GPC5: variants seen among roughly 807,000 people sequenced by gnomAD.
GPC5 encodes glypican 5.
A neutral mutation model predicts 53.9 loss-of-function variants in GPC5; 47 were observed. The ratio of observed to expected loss-of-function variants is 0.87; its 90% CI spans 0.69 to 1.11. The LOEUF (loss-of-function observed/expected upper bound fraction) is 1.11. GPC5 is among the 50% of genes most tolerant of loss of function. The pLI, the probability that GPC5 is intolerant of heterozygous loss-of-function variation, is 0.00. For synonymous variants in GPC5, 286 were observed against 263.3 expected (o/e 1.09, Z -0.84); for missense variants, 748 against 713.1 (o/e 1.05, Z -0.56).
At chr13:91,831,931 T>C (rs750461714) in intron 5 of GPC5, among the ~76,000 whole-genome samples, 3 of 151,988 alleles carry the variant, frequency 2.0e-5, no homozygotes, top group Non-Finnish European at 4.4e-5. Context: ...ATTATGCATA[T>C]TCTATCGATT....
At chr13:92,442,787 A>ACATGATCCTGAGAATTT (rs2139387835) in intron 7 of GPC5, among the ~76,000 whole-genome samples, 1 of 152,332 alleles carries the variant, frequency 6.6e-6, no homozygotes, top group Admixed American at 6.5e-5. Context: ...TATCAGGTCT[A>ACATGATCCTGAGAATTT]CATGATCCTG....
intron 7 of GPC5, among the ~76,000 whole-genome samples, chr13:92,202,364 A>C (rs2042301553): frequency 6.6e-6 from 1 of 152,218 alleles, no homozygotes; most frequent in Non-Finnish European, 1.5e-5. Flanking sequence ...TAGTGTTTAT[A>C]CATTCAGACA....
At chr13:92,527,153 A>G (rs1335237796) in intron 7 of GPC5, among the ~76,000 whole-genome samples, 2 of 125,792 alleles carry the variant, frequency 1.6e-5, no homozygotes, top group African/African-American at 5.9e-5. Flanking sequence ...AGAAAGAAAG[A>G]AAGAAAGAAA....
Position 92,727,947 on chromosome 13 carries a change from AT to A in GPC5, c.1562-138334del. ...ATTCACACCTCACATAAAAATGTGT[AT>A]GCTTTTGTTCATGCTTTATAAAAAA... On this transcript the variant is annotated intron_variant, in intron 7 of 7. Transcript: ENST00000377067. Among the ~76,000 whole-genome samples the A allele has an allele frequency of 2.6e-5, 4 of 151,528 alleles. No individual in the cohort carries two copies. The Admixed American group carries it at 2.6e-4, about 10-fold the overall frequency.
intron 7 of GPC5, among the ~76,000 whole-genome samples, chr13:92,494,649 A>G (rs1186612838): frequency 6.6e-6 from 1 of 152,172 alleles, no homozygotes; most frequent in Non-Finnish European, 1.5e-5. Context: ...CTAAAAATAT[A>G]TATTGCATTA....
intron 7 of GPC5, among the ~76,000 whole-genome samples, chr13:92,353,483 G>A (rs1688567991): frequency 6.6e-6 from 1 of 152,068 alleles, no homozygotes; most frequent in South Asian, 2.1e-4. Context: ...AGTAAGGAAA[G>A]GACAAGCATG....
chr13:91,926,131 G>A (rs2139024324), intron 6 of GPC5, among the ~76,000 whole-genome samples: 1 of 152,120 alleles, frequency 6.6e-6, no homozygotes, highest in South Asian at 2.1e-4. Context: ...GGGAGGCGAG[G>A]CAGGCGGATC....
intron 7 of GPC5, among the ~76,000 whole-genome samples, chr13:92,451,913 GC>G: frequency 6.6e-6 from 1 of 152,272 alleles, no homozygotes; most frequent in South Asian, 2.1e-4. Context: ...AAGTATCTCT[GC>G]GATGTGGTGA....
intron 7 of GPC5, among the ~76,000 whole-genome samples, chr13:92,360,462 T>C (rs894589282): frequency 1.3e-5 from 2 of 151,640 alleles, no homozygotes; most frequent in Non-Finnish European, 2.9e-5. Context: ...AATTTACATA[T>C]TAAGCAAACA....
chr13:92,324,634 C>T (rs1056893624), intron 7 of GPC5, among the ~76,000 whole-genome samples: 1 of 135,490 alleles, frequency 7.4e-6, no homozygotes. Flanking sequence ...TACTACATAT[C>T]ATTATGTAGT....
chr13:92,752,833 G>C (rs964858467), intron 7 of GPC5, among the ~76,000 whole-genome samples: 1 of 152,174 alleles, frequency 6.6e-6, no homozygotes, highest in African/African-American at 2.4e-5. Context: ...TGGCTCGGAG[G>C]GACCTACGCC....
chr13:91,882,366 T>G (rs536335218), intron 5 of GPC5, among the ~76,000 whole-genome samples: 5 of 152,078 alleles, frequency 3.3e-5, no homozygotes, highest in Non-Finnish European at 7.4e-5. Flanking sequence ...TATACTTTAA[T>G]AAGCCATAAC....
rs535100179 is a variant in GPC5 at position 92,288,112 on chromosome 13, CCTAT to C, written c.1561+143126_1561+143129del. ...TCTCTTCATAATTTCTATTTAAATC[CCTAT>C]CTGTTTGTTGATATTTTCTCTTTAA... On this transcript the variant is annotated intron_variant, in intron 7 of 7. Transcript: ENST00000377067. 1.1e-4 allele frequency among the ~76,000 whole-genome samples: 17 copies of C among 151,662 alleles called. No homozygotes were observed. The East Asian group carries it at 1.6e-3, about 14-fold the overall frequency.
Position 92,592,906 on chromosome 13 carries a change from G to T in GPC5, c.1562-273376G>T, listed in dbSNP as rs181150298. 6.7e-4 allele frequency among the ~76,000 whole-genome samples: 102 copies of T among 151,114 alleles called. 1 individual carries two copies. The highest frequency in any genetic ancestry group is 2.4e-3 in the African/African-American group (98 of 41,250). On this transcript the variant is annotated intron_variant, in intron 7 of 7. Transcript: ENST00000377067. ...TCGGTGGCCCTCATGCGTGCCCCTA[G>T]CTTTCTGTATTTCAGACTTCCCCCA...
intron 7 of GPC5, among the ~76,000 whole-genome samples, chr13:92,544,602 G>A (rs1017458895): frequency 5.9e-5 from 9 of 152,208 alleles, no homozygotes; most frequent in Non-Finnish European, 1.2e-4. Flanking sequence ...CCCAACACAT[G>A]TGTCAAATAT....
intron 5 of GPC5, among the ~76,000 whole-genome samples, chr13:91,789,418 A>C (rs1395274586): frequency 2.6e-5 from 4 of 152,218 alleles, no homozygotes; most frequent in Non-Finnish European, 5.9e-5. Flanking sequence ...GATCTTAAAT[A>C]GTATTTGTAA....
chr13:92,488,615 A>G (rs1879648415), intron 7 of GPC5, among the ~76,000 whole-genome samples: 1 of 152,176 alleles, frequency 6.6e-6, no homozygotes, highest in African/African-American at 2.4e-5. Context: ...TTGTTTGCTA[A>G]TAGTCCTGTA....
At chr13:92,723,971 AAT>A (rs1366946345) in intron 7 of GPC5, among the ~76,000 whole-genome samples, 1 of 151,674 alleles carries the variant, frequency 6.6e-6, no homozygotes, top group African/African-American at 2.4e-5. Context: ...GCGTTTCAGA[AAT>A]AGAGTTGGAG....
intron 7 of GPC5, among the ~76,000 whole-genome samples, chr13:92,444,128 A>G (rs2139389657): frequency 6.6e-6 from 1 of 152,310 alleles, no homozygotes; most frequent in Non-Finnish European, 1.5e-5. Flanking sequence ...GATGTGATAA[A>G]ATGGGAAATT....
Sources: allele counts gnomAD v4.1 joint callset (sites outside exome capture counted in the v4.1 genomes callset), GRCh38; gene constraint gnomAD v4.1.1; transcripts MANE v1.5; gene names NCBI Gene and HGNC (gene_info 2026-07-23, HGNC 2026-07-21).